The following EPHA10 variants were observed in gnomAD, a reference collection of about 807,000 sequenced individuals.
EPHA10 encodes ephrin type-A receptor 10.
A neutral mutation model predicts 109.7 loss-of-function variants in EPHA10; 120 were observed. That is an observed-to-expected ratio of 1.09 (90% confidence interval 0.94 to 1.27). The LOEUF is 1.27. Ranked by LOEUF, EPHA10 falls within the 50% of genes most tolerant of loss-of-function variation. EPHA10 has a pLI of 0.00. For missense variants in EPHA10, 1,396 were observed against 1,411.1 expected (o/e 0.99, Z 0.17); for synonymous variants, 640 against 618.9 (o/e 1.03, Z -0.51).
chr1:37,750,331 T>A (rs1036460846), intron 5 of EPHA10, among the ~76,000 whole-genome samples: 2 of 152,148 alleles, frequency 1.3e-5, no homozygotes, highest in Non-Finnish European at 2.9e-5. Flanking sequence ...AAAGAATTTT[T>A]AAAGATGTAA....
At chr1:37,751,725 T>C (rs546180841) in intron 5 of EPHA10, among the ~76,000 whole-genome samples, 1 of 150,914 alleles carries the variant, frequency 6.6e-6, no homozygotes, top group South Asian at 2.1e-4. Context: ...ATACAAAAAT[T>C]AGCTGGGCGT....
intron 10 of EPHA10, among the ~76,000 whole-genome samples, chr1:37,722,450 C>T (rs537582345): frequency 6.6e-6 from 1 of 152,298 alleles, no homozygotes; most frequent in East Asian, 1.9e-4. Flanking sequence ...TAATGTCAGG[C>T]TCCCAGTGAA....
chr1:37,724,822 G>A (rs1645861313), intron 8 of EPHA10, among the ~76,000 whole-genome samples: 2 of 152,212 alleles, frequency 1.3e-5, no homozygotes, highest in Non-Finnish European at 2.9e-5. Context: ...TCTCCGCTCG[G>A]TAGCTGTGGG....
chr1:37,757,962 G>A (rs1646403152), intron 3 of EPHA10, among the ~76,000 whole-genome samples: 1 of 152,120 alleles, frequency 6.6e-6, no homozygotes, highest in Admixed American at 6.6e-5. Context: ...TCCTAGAGGA[G>A]GGAATGAGCC....
intron 3 of EPHA10, chr1:37,760,153 A>G: frequency 2.4e-6 from 1 of 409,468 alleles, no homozygotes; most frequent in Non-Finnish European, 3.4e-6. Context: ...GTTATAGCAT[A>G]TATTACCCTC....
In EPHA10 at chr1:37,737,532, G is replaced by T. The variant is rs193009648; in HGVS notation, c.1358-2142C>A. ...GAAAGGATAGTCTCTTCACCAAATG[G>T]CACTGAGAAAAGTGGATATCCACCT... is the stretch of plus-strand genomic sequence containing the variant. On this transcript the variant is annotated intron_variant, in intron 5 of 16. Coordinates refer to ENST00000373048, the MANE Select transcript of EPHA10 (RefSeq NM_001099439.2). 1.4e-3 allele frequency among the ~76,000 whole-genome samples: 217 copies of T among 152,292 alleles called. 2 individuals are homozygous for T. Among genetic ancestry groups the T allele is most frequent in the Non-Finnish European group, 1.2e-3 (80 of 68,032 alleles).
chr1:37,746,154 G>T (rs998666314), intron 5 of EPHA10, among the ~76,000 whole-genome samples: 1 of 140,426 alleles, frequency 7.1e-6, no homozygotes, highest in Non-Finnish European at 1.5e-5. Flanking sequence ...ATGTTGGAAC[G>T]CAATGGCACG....
chr1:37,723,496 T>G, intron 8 of EPHA10, 124 bp from the exon 9 acceptor site: 2 of 1,081,840 alleles, frequency 1.8e-6, no homozygotes, highest in East Asian at 5.1e-5. Flanking sequence ...GGGAGGGAAC[T>G]TCTTGTCCAG....
intron 6 of EPHA10, among the ~76,000 whole-genome samples, chr1:37,733,629 C>T (rs1249202873): frequency 6.6e-6 from 1 of 152,146 alleles, no homozygotes; most frequent in African/African-American, 2.4e-5. Context: ...TCAGTGAGTC[C>T]TTTCTAAGCA....
At chr1:37,732,146 G>A (rs187391752) in intron 6 of EPHA10, among the ~76,000 whole-genome samples, 152 of 152,290 alleles carry the variant, frequency 1.0e-3, no homozygotes, top group African/African-American at 3.6e-3. Flanking sequence ...GCCCCAGCTG[G>A]AGCCATCACT....
At chr1:37,719,052 G>T in intron 15 of EPHA10, 2 of 616,038 alleles carry the variant, frequency 3.2e-6, no homozygotes, top group Non-Finnish European at 5.7e-6. Context: ...ATCCGGAACA[G>T]TCTGGGGTAG....
Position 37,764,367 on chromosome 1 carries a change from T to G in EPHA10, c.106+594A>C, listed in dbSNP as rs1203609766. 6.6e-6 allele frequency among the ~76,000 whole-genome samples: 1 copy of G among 152,132 alleles called. No individual in the cohort carries two copies. Among genetic ancestry groups the G allele is most frequent in the African/African-American group, 2.4e-5 (1 of 41,438 alleles). On this transcript the variant is annotated intron_variant, in intron 1 of 16. Transcript: ENST00000373048. This position sits in a 1 kb window ranked among gnomAD's most constrained non-coding sequence, Gnocchi z 5.8. Reference sequence around the variant, plus strand: ...CAACTGAGCGTATAGCTCCCCTAAATGCACAATCAGAGGCAAGACGCGGGC... The same window carrying G: ...CAACTGAGCGTATAGCTCCCCTAAAGGCACAATCAGAGGCAAGACGCGGGC...
At position 37,719,474 on chromosome 1, in the gene EPHA10, A is replaced by G; in HGVS notation, c.2696T>C (p.Ile899Thr). 6.2e-7 allele frequency: 1 copy of G among 1,613,960 alleles called. No homozygotes were observed. Among genetic ancestry groups the G allele is most frequent in the Non-Finnish European group, 8.5e-7 (1 of 1,180,004 alleles). Residue 899 changes from isoleucine (I) to threonine (T), a missense_variant, in exon 15 of 17, where the codon ATC becomes ACC. Transcript: ENST00000373048. ...TGGGTCCTGCACCATCTTGCTCAGG[A>G]TGCTGTGGATCTGGGAGAACCTGGG... ...ERPRFSQIHS[I>T]LSKMVQDPEP... is the part of the protein sequence containing the mutation.
At chr1:37,718,594 G>T (rs1217282494) in intron 16 of EPHA10, 67 bp downstream of exon 16, 2 of 1,612,624 alleles carry the variant, frequency 1.2e-6, no homozygotes, top group African/African-American at 1.3e-5. Flanking sequence ...GGACTCCCCA[G>T]TATAGGCAGG....
intron 7 of EPHA10, among the ~76,000 whole-genome samples, chr1:37,730,418 C>T (rs542001730): frequency 6.6e-6 from 1 of 152,196 alleles, no homozygotes; most frequent in South Asian, 2.1e-4. Context: ...CTGCTCAGGG[C>T]AGATAGAGGT....
rs768349113 is a variant in EPHA10 at position 37,761,931 on chromosome 1, T to C, written c.324A>G (p.Thr108=). ...GQRIFVELQF[T]LRDCSSIPGA... is the part of the protein sequence containing the mutation. ...CAGGGATGCTGCTGCAGTCACGGAG[T>C]GTGAACTGCAGTTCCACGAAGATGC... Residue 108 remains threonine, a synonymous_variant, in exon 3 of 17, where the codon ACA becomes ACG. Coordinates refer to ENST00000373048, the MANE Select transcript of EPHA10 (RefSeq NM_001099439.2). The C allele has an allele frequency of 1.2e-6, 2 of 1,613,814 alleles. No homozygotes were observed. The highest frequency in any genetic ancestry group is 8.5e-7 in the Non-Finnish European group (1 of 1,179,936).
chr1:37,758,518 T>C (rs1046234752), intron 3 of EPHA10, among the ~76,000 whole-genome samples: 2 of 152,192 alleles, frequency 1.3e-5, no homozygotes, highest in African/African-American at 2.4e-5. Flanking sequence ...TTTCTAACCC[T>C]TGACTTACCT....
intron 3 of EPHA10, among the ~76,000 whole-genome samples, chr1:37,756,090 C>T (rs886353222): frequency 1.3e-5 from 2 of 152,100 alleles, no homozygotes; most frequent in Non-Finnish European, 2.9e-5. Flanking sequence ...AGCCCAGGAG[C>T]CTTCAGAAGT....
At chr1:37,759,127 T>C (rs143960203) in intron 3 of EPHA10, among the ~76,000 whole-genome samples, 5 of 152,306 alleles carry the variant, frequency 3.3e-5, no homozygotes, top group African/African-American at 7.2e-5. Flanking sequence ...ATCCTTTCTT[T>C]GCAATTGCAG....
Sources: gnomAD v4.1 joint callset for allele counts (sites outside exome capture counted in the v4.1 genomes callset) on GRCh38, gnomAD v4.1.1 for gene constraint, Gnocchi (gnomAD v3.1) non-coding constraint, MANE v1.5 for transcripts, NCBI Gene and HGNC (gene_info 2026-07-23, HGNC 2026-07-21) for gene names.